TUFT1: variants seen among roughly 807,000 people sequenced by gnomAD.
The protein encoded by TUFT1 is tuftelin 1.
Under a neutral mutation model 57.8 loss-of-function variants are expected in TUFT1, and 43 were observed. That is an observed-to-expected ratio of 0.74 (90% CI 0.58 to 0.96). TUFT1 has a LOEUF of 0.96. Among genes scored for constraint, TUFT1 ranks in the 40% least tolerant of loss-of-function variants. The pLI is 0.00. For synonymous variants in TUFT1, 166 were observed against 176.7 expected (o/e 0.94, Z 0.48); for missense variants, 459 against 489.0 (o/e 0.94, Z 0.58).
At chr1:151,574,627 T>G (rs548838470) in intron 8 of TUFT1, among the ~76,000 whole-genome samples, 1 of 152,340 alleles carries the variant, frequency 6.6e-6, no homozygotes, top group South Asian at 2.1e-4. Context: ...CAGATGCCCC[T>G]TTTGAAGTCC....
intron 9 of TUFT1, among the ~76,000 whole-genome samples, chr1:151,576,493 G>A (rs1442864543): frequency 6.6e-6 from 1 of 152,192 alleles, no homozygotes; most frequent in Non-Finnish European, 1.5e-5. Flanking sequence ...TCAGATGCCA[G>A]TCACAAGTAG....
intron 1 of TUFT1, chr1:151,561,765 TACA>T: frequency 7.5e-7 from 1 of 1,338,400 alleles, no homozygotes; most frequent in Non-Finnish European, 9.8e-7. Context: ...ATGACCTCTC[TACA>T]ACTAGAGAAA....
At chr1:151,559,246 G>A (rs1424632197) in intron 1 of TUFT1, among the ~76,000 whole-genome samples, 1 of 152,164 alleles carries the variant, frequency 6.6e-6, no homozygotes, top group Non-Finnish European at 1.5e-5. Context: ...CCTTTGCTAA[G>A]GGCTGTGGCA....
chr1:151,582,309 T>C lies in TUFT1; in HGVS notation c.*602T>C. ...CTTTGACTGGGTGGCCTTGTCTTTC[T>C]GGGGAGGAGGGAATGTACATTCAGG... On this transcript the variant is annotated 3_prime_UTR_variant, in exon 13 of 13. Transcript: ENST00000368849. 4.6e-6 allele frequency: 2 copies of C among 436,270 alleles called. No homozygotes were observed. The highest frequency in any genetic ancestry group is 2.5e-5 in the Admixed American group (1 of 40,636). 27.0% of individuals were successfully genotyped at this position (436,270 alleles called of 1,614,324 possible).
chr1:151,544,233 G>C (rs1277747016), intron 1 of TUFT1, among the ~76,000 whole-genome samples: 1 of 151,690 alleles, frequency 6.6e-6, no homozygotes, highest in African/African-American at 2.4e-5. Flanking sequence ...TTCCTGCCTC[G>C]GCCTCTCAAA....
At chr1:151,552,975 C>T (rs1665558611) in intron 1 of TUFT1, among the ~76,000 whole-genome samples, 1 of 152,108 alleles carries the variant, frequency 6.6e-6, no homozygotes, top group African/African-American at 2.4e-5. Context: ...ATGGGGAAAC[C>T]CAGCAAGGCC....
At position 151,581,654 on chromosome 1, in the gene TUFT1, T is replaced by G. The variant is rs748446427; in HGVS notation, c.1120T>G (p.Ser374Ala). ...KTENPGSIRI[S>A]KPPSPKPMPV... The stretch of plus-strand genomic sequence containing the variant: ...CAACCTTCTTTTCAGTATTAGGATA[T>G]CCAAGCCGCCTAGCCCGAAGCCCAT... Residue 374 changes from serine (S) to alanine (A), a missense_variant, in exon 13 of 13, where the codon TCC (serine) becomes GCC (alanine). Transcript: ENST00000368849. 6.2e-7 allele frequency: 1 copy of G among 1,614,128 alleles called. No individual in the cohort carries two copies. The highest frequency in any genetic ancestry group is 1.1e-5 in the South Asian group (1 of 91,076).
intron 8 of TUFT1, 72 bp downstream of exon 8, chr1:151,574,470 G>T: frequency 6.3e-7 from 1 of 1,580,520 alleles, no homozygotes; most frequent in Non-Finnish European, 8.6e-7. Context: ...GATCGAAACG[G>T]TTGCCGAGAC....
intron 6 of TUFT1, 30 bp downstream of exon 6, chr1:151,566,258 C>T (rs746621754): frequency 4.3e-5 from 69 of 1,594,214 alleles, no homozygotes; most frequent in East Asian, 2.7e-4. Context: ...ATGGTGGCTC[C>T]GCTTAGCCAG....
chr1:151,580,240 G>C (rs998753117), intron 11 of TUFT1, among the ~76,000 whole-genome samples: 2 of 152,222 alleles, frequency 1.3e-5, no homozygotes, highest in Admixed American at 1.3e-4. Flanking sequence ...ATGGGAGAAA[G>C]GGTTATCTTT....
At chr1:151,545,011 G>A (rs919143478) in intron 1 of TUFT1, among the ~76,000 whole-genome samples, 1 of 152,048 alleles carries the variant, frequency 6.6e-6, no homozygotes, top group Non-Finnish European at 1.5e-5. Context: ...TAGCATTGTG[G>A]TCAAGAGCAT....
At chr1:151,552,707 CAAAAAAAAAAAAAA>C (rs869244649) in intron 1 of TUFT1, among the ~76,000 whole-genome samples, 11 of 53,480 alleles carry the variant, frequency 2.1e-4, no homozygotes, top group Non-Finnish European at 3.3e-4. Flanking sequence ...GACTCTGTCT[CAAAAAAAAAAAAAA>C]AAAAAAAAAA....
Position 151,582,933 on chromosome 1 carries a change from T to C in TUFT1, c.*1226T>C, listed in dbSNP as rs956091647. ...TGCAGGTCATCATGGTTTTCTTTTT[T>C]TATTGTTTTTTTTTTTTTCTGAGAC... On this transcript the variant is annotated 3_prime_UTR_variant, in exon 13 of 13. Coordinates refer to ENST00000368849, the MANE Select transcript of TUFT1 (RefSeq NM_020127.3). The C allele has an allele frequency of 6.6e-6, 1 of 151,784 alleles. No homozygotes were observed. The highest frequency in any genetic ancestry group is 1.5e-5 in the Non-Finnish European group (1 of 68,010). The allele number at this position is 151,784 out of a possible 1,614,324, so 9.4% of individuals were successfully genotyped here. A position where few individuals can be genotyped will look rare whatever the true frequency, so the allele number is the denominator to read the frequency against.
rs996262578 is a variant in TUFT1 at position 151,562,082 on chromosome 1, C to T, written c.61-9C>T. The T allele has an allele frequency of 8.1e-6, 13 of 1,613,628 alleles. No individual in the cohort carries two copies. Among genetic ancestry groups the T allele is most frequent in the Non-Finnish European group, 1.1e-5 (13 of 1,179,692 alleles). ...GAGGGGTTATTGTTGCTGTCATTGT[C>T]ATTATTAGGGCAGCGTGGACATTCT... On this transcript the variant is annotated splice_polypyrimidine_tract_variant and intron_variant, in intron 1 of 12. Coordinates refer to ENST00000368849, the MANE Select transcript of TUFT1 (RefSeq NM_020127.3).
chr1:151,548,112 G>A (rs1665396098), intron 1 of TUFT1, among the ~76,000 whole-genome samples: 1 of 152,168 alleles, frequency 6.6e-6, no homozygotes, highest in African/African-American at 2.4e-5. Context: ...GCAGAAGGCA[G>A]GACCATGTAC....
chr1:151,560,194 G>A (rs1665840490), intron 1 of TUFT1, among the ~76,000 whole-genome samples: 1 of 149,996 alleles, frequency 6.7e-6, no homozygotes, highest in Admixed American at 6.7e-5. Context: ...GAGGCGGGAG[G>A]ATCACAAAGT....
intron 4 of TUFT1, 38 bp from the exon 5 acceptor site, chr1:151,564,487 C>T: frequency 6.5e-7 from 1 of 1,536,266 alleles, no homozygotes; most frequent in Non-Finnish European, 9.0e-7. Context: ...CTCTCTTTCT[C>T]TACCCTAAAG....
At chr1:151,546,113 T>C (rs564978793) in intron 1 of TUFT1, among the ~76,000 whole-genome samples, 1 of 151,756 alleles carries the variant, frequency 6.6e-6, no homozygotes, top group Non-Finnish European at 1.5e-5. Flanking sequence ...TCATCCTCTC[T>C]CTCTTTTTCT....
Position 151,569,754 on chromosome 1 carries a change from A to G in TUFT1, c.578A>G (p.Asp193Gly). 1.2e-6 allele frequency: 2 copies of G among 1,613,918 alleles called. No individual in the cohort carries two copies. The highest frequency in any genetic ancestry group is 1.7e-6 in the Non-Finnish European group (2 of 1,179,846). The change falls in exon 7 of 13, where the codon GAC becomes GGC. Residue 193 changes from aspartate to glycine, a missense_variant. Physicochemically the swap from Asp to Gly is moderately conservative, Grantham distance 94. Coordinates refer to ENST00000368849, the MANE Select transcript of TUFT1 (RefSeq NM_020127.3). ...GAGGCCAAGCGGCAACACCAGTCAG[A>G]CTGTGTGGCTTTTGAGGTGAGATTT... is the stretch of plus-strand genomic sequence containing the variant. ...LQEAKRQHQS[D>G]CVAFEVTLSR...
Sources: gnomAD v4.1 joint callset for allele counts (sites outside exome capture counted in the v4.1 genomes callset) on GRCh38, gnomAD v4.1.1 for gene constraint, MANE v1.5 for transcripts, NCBI Gene and HGNC (gene_info 2026-07-23, HGNC 2026-07-21) for gene names.